Variants in NLGN1 observed in about 807,000 individuals in gnomAD.
NLGN1 encodes neuroligin 1.
Under a neutral mutation model 65.5 loss-of-function variants are expected in NLGN1, and 12 were observed. The ratio of observed to expected loss-of-function variants is 0.18; its 90% confidence interval spans 0.12 to 0.30. The LOEUF (loss-of-function observed/expected upper bound fraction) is 0.30. Ranked by LOEUF, NLGN1 falls within the 10% of genes least tolerant of loss-of-function variation. The pLI, the probability that NLGN1 is intolerant of heterozygous loss-of-function variation, is 1.00. For missense variants in NLGN1, 750 were observed against 1,007.1 expected, an observed-to-expected ratio of 0.74 and a Z score of 3.46; for synonymous variants, 350 against 359.5, an observed-to-expected ratio of 0.97 and a Z score of 0.30.
intron 4 of NLGN1, among the ~76,000 whole-genome samples, chr3:174,244,399 A>C (rs6792079): frequency 9.9e-4 from 151 of 152,312 alleles, no homozygotes; most frequent in Middle Eastern, 6.8e-3. Flanking sequence ...GTAATTAAGA[A>C]TCTTTCCTCT....
chr3:174,004,895 A>T (rs888789278), intron 4 of NLGN1, among the ~76,000 whole-genome samples: 1 of 152,104 alleles, frequency 6.6e-6, no homozygotes, highest in East Asian at 1.9e-4. Flanking sequence ...TTTACTATAA[A>T]ATAGATTTTA....
chr3:173,413,689 A>G (rs182232247), intron 1 of NLGN1, among the ~76,000 whole-genome samples: 134 of 152,304 alleles, frequency 8.8e-4, no homozygotes, highest in African/African-American at 3.2e-3. Flanking sequence ...AATTTTGTTA[A>G]CTTCCAAAAC....
At chr3:174,247,823 C>T (rs1260875392) in intron 4 of NLGN1, among the ~76,000 whole-genome samples, 1 of 152,220 alleles carries the variant, frequency 6.6e-6, no homozygotes, top group Non-Finnish European at 1.5e-5. Context: ...GGCTACTGCT[C>T]TGCTTTGCTC....
intron 4 of NLGN1, among the ~76,000 whole-genome samples, chr3:174,260,030 C>A (rs1746565680): frequency 6.6e-6 from 1 of 152,068 alleles, no homozygotes; most frequent in Non-Finnish European, 1.5e-5. Flanking sequence ...TCTTTTATGG[C>A]TGCATAGTAT....
intron 4 of NLGN1, among the ~76,000 whole-genome samples, chr3:173,915,880 T>C (rs185779491): frequency 1.3e-5 from 2 of 152,242 alleles, no homozygotes; most frequent in African/African-American, 4.8e-5. Flanking sequence ...AAGCCTATAC[T>C]AGTCTTTCTT....
At chr3:173,774,561 G>A (rs900505477) in intron 3 of NLGN1, among the ~76,000 whole-genome samples, 4 of 152,074 alleles carry the variant, frequency 2.6e-5, no homozygotes, top group African/African-American at 9.7e-5. Context: ...GCTGTGCTGT[G>A]GGCTCTCTGG....
At chr3:173,992,020 G>A (rs1196794474) in intron 4 of NLGN1, among the ~76,000 whole-genome samples, 1 of 152,070 alleles carries the variant, frequency 6.6e-6, no homozygotes, top group African/African-American at 2.4e-5. Context: ...TAGAGATGGG[G>A]TTTCACTATG....
intron 4 of NLGN1, among the ~76,000 whole-genome samples, chr3:174,127,975 T>G (rs1054283315): frequency 2.0e-5 from 3 of 152,116 alleles, no homozygotes; most frequent in African/African-American, 7.2e-5. Context: ...CTTCTGCTAG[T>G]TCTAGCTGAT....
At chr3:173,837,933 C>T (rs2150649933) in intron 4 of NLGN1, among the ~76,000 whole-genome samples, 1 of 152,170 alleles carries the variant, frequency 6.6e-6, no homozygotes, top group Non-Finnish European at 1.5e-5. Context: ...TTTTTTGTAG[C>T]TTCAAAAATT....
intron 4 of NLGN1, among the ~76,000 whole-genome samples, chr3:174,268,060 T>C (rs1748619494): frequency 6.6e-6 from 1 of 152,186 alleles, no homozygotes; most frequent in Non-Finnish European, 1.5e-5. Flanking sequence ...CTGAAGTATA[T>C]AGTTCCTGAG....
At chr3:174,221,332 A>G (rs1561321879) in intron 4 of NLGN1, among the ~76,000 whole-genome samples, 1 of 152,118 alleles carries the variant, frequency 6.6e-6, no homozygotes, top group Non-Finnish European at 1.5e-5. Flanking sequence ...CATACTAATC[A>G]CAAAAACCAT....
chr3:174,160,584 G>A (rs2152719399), intron 4 of NLGN1, among the ~76,000 whole-genome samples: 1 of 151,302 alleles, frequency 6.6e-6, no homozygotes, highest in African/African-American at 2.4e-5. Context: ...TTTTGTAAGA[G>A]ATGACTGCAA....
upstream of NLGN1, chr3:173,396,515 A>G (rs529200): frequency 0.6 from 90,823 of 152,078 alleles, 27,566 homozygotes; most frequent in African/African-American, 0.71. Flanking sequence ...TCCCCACGAA[A>G]CGGAATGTTT....
chr3:174,069,652 A>G (rs1560969332), intron 4 of NLGN1, among the ~76,000 whole-genome samples: 1 of 152,234 alleles, frequency 6.6e-6, no homozygotes, highest in Admixed American at 6.5e-5. Context: ...CTGCCCACAG[A>G]GGGTACAGTA....
At chr3:174,062,693 T>A (rs1737678694) in intron 4 of NLGN1, among the ~76,000 whole-genome samples, 1 of 152,012 alleles carries the variant, frequency 6.6e-6, no homozygotes, top group South Asian at 2.1e-4. Context: ...TCTATCTAAT[T>A]TTTTTCTCTA....
chr3:173,704,581 A>G (rs1278056574), intron 3 of NLGN1, among the ~76,000 whole-genome samples: 2 of 152,190 alleles, frequency 1.3e-5, no homozygotes, highest in African/African-American at 2.4e-5. Context: ...GCAAGTTTCA[A>G]TATCATTTTG....
At chr3:173,909,425 A>G (rs556352924) in intron 4 of NLGN1, among the ~76,000 whole-genome samples, 1 of 152,100 alleles carries the variant, frequency 6.6e-6, no homozygotes, top group African/African-American at 2.4e-5. Flanking sequence ...GTTTAATTCA[A>G]ATAGGGATTT....
intron 4 of NLGN1, among the ~76,000 whole-genome samples, chr3:173,843,843 C>T (rs921905557): frequency 1.3e-5 from 2 of 152,154 alleles, no homozygotes; most frequent in African/African-American, 4.8e-5. Flanking sequence ...AGTCACTTCC[C>T]CATTTTTGGG....
intron 3 of NLGN1, among the ~76,000 whole-genome samples, chr3:173,800,538 T>G (rs1268728580): frequency 6.6e-6 from 1 of 151,772 alleles, no homozygotes; most frequent in Admixed American, 6.6e-5. Flanking sequence ...AAAATTAATA[T>G]TAAGTTTTAC....
Sources: allele counts gnomAD v4.1 joint callset (sites outside exome capture counted in the v4.1 genomes callset), GRCh38; gene constraint gnomAD v4.1.1; transcripts MANE v1.5; gene names NCBI Gene and HGNC (gene_info 2026-07-23, HGNC 2026-07-21).